Variants in FMN1 observed in about 807,000 individuals in gnomAD.
The protein encoded by FMN1 is formin-1.
A neutral mutation model predicts 132.4 loss-of-function variants in FMN1; 110 were observed. The ratio of observed to expected loss-of-function variants is 0.83; its 90% CI spans 0.71 to 0.97. The LOEUF is 0.97. Among genes scored for constraint, FMN1 ranks in the 50% least tolerant of loss-of-function variants. FMN1 has a pLI of 0.00. For synonymous variants in FMN1, 722 were observed against 651.7 expected, an observed-to-expected ratio of 1.11 and a Z score of -1.64; for missense variants, 1,792 against 1,705.3, an observed-to-expected ratio of 1.05 and a Z score of -0.90.
intron 17 of FMN1, among the ~76,000 whole-genome samples, chr15:32,834,473 A>G (rs868735030): frequency 4.6e-5 from 7 of 152,180 alleles, no homozygotes; most frequent in Non-Finnish European, 7.3e-5. Flanking sequence ...GGAGGAAAAA[A>G]TCAGACAGAT....
chr15:32,783,736 C>T (rs1301342786), intron 19 of FMN1, among the ~76,000 whole-genome samples: 2 of 97,774 alleles, frequency 2.0e-5, no homozygotes, highest in African/African-American at 4.4e-5. Flanking sequence ...CAGAGCGAGA[C>T]TCTGTTTCAA....
At chr15:33,139,002 T>A (rs1342997951) in intron 4 of FMN1, among the ~76,000 whole-genome samples, 1 of 152,182 alleles carries the variant, frequency 6.6e-6, no homozygotes, top group East Asian at 1.9e-4. Flanking sequence ...ACACTGGCCA[T>A]ACCAAGCCCA....
At position 33,174,870 on chromosome 15, in the gene FMN1, C is replaced by T. The variant is rs567160795; in HGVS notation, c.-132+5328G>A. On this transcript the variant is annotated intron_variant, in intron 3 of 20. Coordinates refer to ENST00000616417, the MANE Select transcript of FMN1 (RefSeq NM_001277313.2). The stretch of plus-strand genomic sequence containing the variant: ...TCACACTTTAGTGTTTCCAACAAGC[C>T]AAGTGCAATTCTTCAATTACATCAG... Among the ~76,000 whole-genome samples the T allele has an allele frequency of 5.0e-4, 76 of 152,312 alleles. 1 individual carries two copies. In the South Asian group the frequency reaches 0.012, roughly 24 times the overall value.
At chr15:32,958,867 G>C (rs1055826770) in intron 9 of FMN1, among the ~76,000 whole-genome samples, 33 of 151,928 alleles carry the variant, frequency 2.2e-4, no homozygotes, top group African/African-American at 8.0e-4. Context: ...TGTGGTGAAA[G>C]CCCGTCTCTA....
intron 9 of FMN1, among the ~76,000 whole-genome samples, chr15:32,940,391 T>TTG (rs67121672): frequency 0.044 from 6,465 of 145,328 alleles, 196 homozygotes; most frequent in East Asian, 0.13. Context: ...AAAATAAAAA[T>TTG]TGTGTGTGTG....
At position 32,965,812 on chromosome 15, in the gene FMN1, T is replaced by C. The variant is rs541527187; in HGVS notation, c.2988-1555A>G. Reference sequence around the variant, plus strand: ...ATATGGAAGTTATAAAGTATAACAATAGAATGAACACCTGGGAAACCATTA... The same window carrying C: ...ATATGGAAGTTATAAAGTATAACAACAGAATGAACACCTGGGAAACCATTA... On this transcript the variant is annotated intron_variant, in intron 8 of 20. Transcript: ENST00000616417. 3.3e-5 allele frequency among the ~76,000 whole-genome samples: 5 copies of C among 152,300 alleles called. No homozygotes were observed. In the South Asian group the frequency reaches 6.2e-4, roughly 19 times the overall value.
chr15:32,890,263 C>A (rs2059995309), intron 15 of FMN1, among the ~76,000 whole-genome samples: 1 of 152,090 alleles, frequency 6.6e-6, no homozygotes, highest in African/African-American at 2.4e-5. Flanking sequence ...CATATAATGA[C>A]TTCTTTTCCT....
chr15:33,173,978 A>G (rs1280417035), intron 3 of FMN1, among the ~76,000 whole-genome samples: 1 of 152,106 alleles, frequency 6.6e-6, no homozygotes, highest in Non-Finnish European at 1.5e-5. Context: ...GAAATAACCG[A>G]AGGAGCTTTT....
Position 32,897,681 on chromosome 15 carries a change from A to G in FMN1, c.3714+1153T>C, listed in dbSNP as rs2060192621. ...AAAATGGGGAGCCACTTCTGTTTTGAGTAGAAAAGCAATAGGATCAGAGCT... is the reference window on the plus strand; with the variant it reads ...AAAATGGGGAGCCACTTCTGTTTTGGGTAGAAAAGCAATAGGATCAGAGCT... On this transcript the variant is annotated intron_variant, in intron 15 of 20. Coordinates refer to ENST00000616417, the MANE Select transcript of FMN1 (RefSeq NM_001277313.2). Among the ~76,000 whole-genome samples the G allele has an allele frequency of 2.0e-5, 3 of 152,182 alleles. No individual in the cohort carries two copies. The South Asian group carries it at 6.2e-4, about 32-fold the overall frequency.
chr15:32,865,646 A>C (rs1002125862), intron 16 of FMN1, among the ~76,000 whole-genome samples: 1 of 152,070 alleles, frequency 6.6e-6, no homozygotes, highest in Non-Finnish European at 1.5e-5. Context: ...AGACCAGCCT[A>C]ATCAACATGG....
intron 19 of FMN1, among the ~76,000 whole-genome samples, chr15:32,791,311 T>G (rs1044381292): frequency 6.6e-6 from 1 of 150,928 alleles, no homozygotes; most frequent in African/African-American, 2.4e-5. Flanking sequence ...TTAATGAAAC[T>G]ATGACATTGA....
At chr15:33,156,405 C>T (rs552224260) in intron 3 of FMN1, among the ~76,000 whole-genome samples, 7 of 150,796 alleles carry the variant, frequency 4.6e-5, no homozygotes, top group South Asian at 2.1e-4. Flanking sequence ...CTCAGCCTCC[C>T]GAATAGGTGG....
intron 5 of FMN1, among the ~76,000 whole-genome samples, chr15:33,080,274 T>TC (rs1296220456): frequency 6.6e-6 from 1 of 152,226 alleles, no homozygotes; most frequent in African/African-American, 2.4e-5. Flanking sequence ...TGATGTTGAA[T>TC]CTAATTTACG....
At chr15:33,067,588 G>T (rs560481972) in intron 5 of FMN1, 5 of 1,613,910 alleles carry the variant, frequency 3.1e-6, no homozygotes, top group Non-Finnish European at 4.2e-6. Flanking sequence ...CTGTCTCCAC[G>T]CTTGCAATTT....
chr15:32,879,582 T>C (rs1276467742), intron 16 of FMN1, among the ~76,000 whole-genome samples: 1 of 152,206 alleles, frequency 6.6e-6, no homozygotes, highest in Non-Finnish European at 1.5e-5. Context: ...TCACACCTCC[T>C]GAGGTACTTC....
At chr15:32,979,555 C>CAAAA (rs66993265) in intron 7 of FMN1, among the ~76,000 whole-genome samples, 29 of 57,464 alleles carry the variant, frequency 5.0e-4, no homozygotes, top group African/African-American at 1.0e-3. Flanking sequence ...GACTCTGTCT[C>CAAAA]AAAAAAAAAA....
At chr15:33,070,500 G>A (rs2037957238) in intron 5 of FMN1, among the ~76,000 whole-genome samples, 1 of 151,312 alleles carries the variant, frequency 6.6e-6, no homozygotes, top group African/African-American at 2.4e-5. Context: ...AAATGGAACA[G>A]ATGCTGGAAG....
At chr15:32,902,424 A>T (rs1300675725) in intron 12 of FMN1, among the ~76,000 whole-genome samples, 2 of 152,208 alleles carry the variant, frequency 1.3e-5, no homozygotes, top group Admixed American at 6.5e-5. Context: ...GCATTCTCTA[A>T]AGGTGTATTT....
intron 3 of FMN1, among the ~76,000 whole-genome samples, chr15:33,156,430 G>C (rs1334206789): frequency 1.3e-5 from 2 of 151,564 alleles, no homozygotes; most frequent in African/African-American, 2.4e-5. Context: ...ACAGGCACGT[G>C]CCACCACCAC....
Sources: allele counts gnomAD v4.1 joint callset (sites outside exome capture counted in the v4.1 genomes callset), GRCh38; gene constraint gnomAD v4.1.1; transcripts MANE v1.5; gene names NCBI Gene and HGNC (gene_info 2026-07-23, HGNC 2026-07-21).